Variants in PDGFRL observed in about 807,000 individuals in gnomAD.
The protein encoded by PDGFRL is platelet derived growth factor receptor like.
Under a neutral mutation model 37.2 loss-of-function variants are expected in PDGFRL, and 46 were observed. The observed-to-expected ratio is 1.24, with a 90% CI of 0.98 to 1.58. The LOEUF (loss-of-function observed/expected upper bound fraction) is 1.58, where lower values mean the gene tolerates loss of function less well. Ranked by LOEUF, PDGFRL falls within the 40% of genes most tolerant of loss-of-function variation. The pLI, the probability that PDGFRL is intolerant of heterozygous loss-of-function variation, is 0.00. For synonymous variants in PDGFRL, 251 were observed against 184.3 expected, an observed-to-expected ratio of 1.36 and a Z score of -2.93; for missense variants, 692 against 467.6, an observed-to-expected ratio of 1.48 and a Z score of -4.43.
chr8:17,599,564 T>C (rs958598745), intron 2 of PDGFRL, among the ~76,000 whole-genome samples: 1 of 152,186 alleles, frequency 6.6e-6, no homozygotes, highest in Non-Finnish European at 1.5e-5. Flanking sequence ...CTTTCTCTTG[T>C]CTGCACATGG....
At chr8:17,624,052 A>G (rs2129778983) in intron 3 of PDGFRL, among the ~76,000 whole-genome samples, 1 of 152,208 alleles carries the variant, frequency 6.6e-6, no homozygotes, top group East Asian at 1.9e-4. Context: ...GTTATACATC[A>G]TTTATTTTTT....
At chr8:17,631,294 A>C (rs1804856073) in intron 4 of PDGFRL, among the ~76,000 whole-genome samples, 1 of 152,030 alleles carries the variant, frequency 6.6e-6, no homozygotes, top group Non-Finnish European at 1.5e-5. Flanking sequence ...TCTCTCCGAG[A>C]ACTCTCACCT....
At position 17,621,046 on chromosome 8, in the gene PDGFRL, C is replaced by T; in HGVS notation, c.354-5C>T. On this transcript the variant is annotated splice_polypyrimidine_tract_variant and splice_region_variant and intron_variant, in intron 2 of 5. Coordinates refer to ENST00000251630, the MANE Select transcript of PDGFRL (RefSeq NM_001372073.1). ...GCTTTGAGTTCATGTGTCTTTTATT[C>T]CTAGCGTCAAGCAGAATGAGCGCTA... 1 of 1,591,786 alleles carries T rather than the reference C, an allele frequency of 6.3e-7. No individual in the cohort carries two copies. Among genetic ancestry groups the T allele is most frequent in the South Asian group, 1.1e-5 (1 of 88,888 alleles).
At chr8:17,617,011 G>A (rs1804544013) in intron 2 of PDGFRL, among the ~76,000 whole-genome samples, 1 of 152,154 alleles carries the variant, frequency 6.6e-6, no homozygotes, top group Non-Finnish European at 1.5e-5. Context: ...CATGACTTAG[G>A]CCACCCCCAG....
At chr8:17,577,627 G>A (rs1803615540) in intron 1 of PDGFRL, among the ~76,000 whole-genome samples, 1 of 151,862 alleles carries the variant, frequency 6.6e-6, no homozygotes, top group Non-Finnish European at 1.5e-5. Flanking sequence ...CAGTGTCAAC[G>A]TGTCGGTCTG....
chr8:17,633,986 C>T, intron 4 of PDGFRL, 88 bp from the exon 5 acceptor site: 1 of 1,314,222 alleles, frequency 7.6e-7, no homozygotes, highest in Non-Finnish European at 1.1e-6. Context: ...AAAATTCCAT[C>T]TCTCTCCATG....
chr8:17,630,965 G>A (rs1042342745), intron 4 of PDGFRL, among the ~76,000 whole-genome samples: 1 of 152,056 alleles, frequency 6.6e-6, no homozygotes, highest in African/African-American at 2.4e-5. Context: ...ACATCTCTGT[G>A]TCTACCTGAT....
intron 2 of PDGFRL, among the ~76,000 whole-genome samples, chr8:17,605,708 T>A (rs969202792): frequency 6.6e-6 from 1 of 152,212 alleles, no homozygotes; most frequent in Admixed American, 6.5e-5. Context: ...GATAGGCTGA[T>A]GTGGTAATAA....
intron 1 of PDGFRL, among the ~76,000 whole-genome samples, chr8:17,588,387 A>G (rs1803860940): frequency 6.6e-6 from 1 of 152,144 alleles, no homozygotes; most frequent in African/African-American, 2.4e-5. Context: ...ACTGTGGTTC[A>G]AAATCTTGGC....
In PDGFRL at chr8:17,589,485, C is replaced by T. The variant is rs1585301097; in HGVS notation, c.73C>T (p.Pro25Ser). Residue 25 changes from proline to serine, a missense_variant, in exon 2 of 6, where the codon CCC becomes TCC. Pro to Ser is a moderately conservative substitution (Grantham distance 74). Coordinates refer to ENST00000251630, the MANE Select transcript of PDGFRL (RefSeq NM_001372073.1). ...ALEDVTGQHLPKNKRPKEPGE... is the reference protein window; with the variant it reads ...ALEDVTGQHLSKNKRPKEPGE... The stretch of plus-strand genomic sequence containing the variant: ...TTTTGCAGTTACTGGCCAACACCTT[C>T]CCAAGAACAAGCGTCCAAAAGAACC... The T allele has an allele frequency of 6.2e-7, 1 of 1,613,294 alleles. No individual in the cohort carries two copies. Among genetic ancestry groups the T allele is most frequent in the Non-Finnish European group, 8.5e-7 (1 of 1,179,532 alleles).
chr8:17,591,049 A>AT (rs1224226859), intron 2 of PDGFRL, among the ~76,000 whole-genome samples: 1 of 151,686 alleles, frequency 6.6e-6, no homozygotes, highest in African/African-American at 2.4e-5. Context: ...CGCCTGGCTA[A>AT]TTTTTTGCTT....
At position 17,589,539 on chromosome 8, in the gene PDGFRL, A is replaced by G. The variant is rs780696061; in HGVS notation, c.127A>G (p.Lys43Glu). Residue 43 changes from lysine to glutamate, a missense_variant, in exon 2 of 6, where the codon AAG (lysine) becomes GAG (glutamate). Coordinates refer to ENST00000251630, the MANE Select transcript of PDGFRL (RefSeq NM_001372073.1). ...PGENRIKPTN[K>E]KVKPKIPKMK... ...AGAGAATAGAATCAAACCTACCAACAAGAAGGTGAAGCCCAAAATTCCTAA... is the reference window on the plus strand; with the variant it reads ...AGAGAATAGAATCAAACCTACCAACGAGAAGGTGAAGCCCAAAATTCCTAA... 2.5e-6 allele frequency: 4 copies of G among 1,613,438 alleles called. No homozygotes were observed. Among genetic ancestry groups the G allele is most frequent in the Admixed American group, 1.7e-5 (1 of 60,006 alleles).
At chr8:17,605,200 T>A (rs994227377) in intron 2 of PDGFRL, among the ~76,000 whole-genome samples, 1 of 152,026 alleles carries the variant, frequency 6.6e-6, no homozygotes, top group Non-Finnish European at 1.5e-5. Context: ...CTGAGTAATA[T>A]AAACCGCATT....
chr8:17,604,268 A>G (rs1309922652), intron 2 of PDGFRL, among the ~76,000 whole-genome samples: 2 of 152,200 alleles, frequency 1.3e-5, no homozygotes, highest in South Asian at 2.1e-4. Flanking sequence ...TCATGCTGCT[A>G]TAAAGACACA....
At chr8:17,577,088 A>AAAAAAAAAAAAAAC, upstream of PDGFRL, 1 of 877,016 alleles carries the variant, frequency 1.1e-6, no homozygotes, top group Non-Finnish European at 1.7e-6. Context: ...GAACTAAAAA[A>AAAAAAAAAAAAAAC]AAAAAAAATT....
At chr8:17,619,016 A>G (rs1451416771) in intron 2 of PDGFRL, among the ~76,000 whole-genome samples, 2 of 152,158 alleles carry the variant, frequency 1.3e-5, no homozygotes, top group Non-Finnish European at 2.9e-5. Flanking sequence ...GAACTGGTGG[A>G]CAAAACAAGC....
Position 17,619,109 on chromosome 8 carries a change from G to A in PDGFRL, c.354-1942G>A, listed in dbSNP as rs547668969. Among the ~76,000 whole-genome samples, 29 of 152,268 alleles carry A rather than the reference G, an allele frequency of 1.9e-4. No homozygotes were observed. The South Asian group carries it at 5.2e-3, about 27-fold the overall frequency. On this transcript the variant is annotated intron_variant, in intron 2 of 5. Transcript: ENST00000251630. ...CCTATGCTAAATGTAAACTGGTCAC[G>A]GTATTGATTCTGCTGCAAGATAAAC... is the stretch of plus-strand genomic sequence containing the variant.
chr8:17,578,994 T>G (rs1244023884), intron 1 of PDGFRL, among the ~76,000 whole-genome samples: 1 of 151,980 alleles, frequency 6.6e-6, no homozygotes, highest in Non-Finnish European at 1.5e-5. Context: ...GGTCAGGAGT[T>G]CAAGACCAGC....
intron 5 of PDGFRL, among the ~76,000 whole-genome samples, chr8:17,641,752 C>G (rs570484106): frequency 6.6e-6 from 1 of 152,096 alleles, no homozygotes; most frequent in Admixed American, 6.5e-5. Flanking sequence ...CATTAAGTAG[C>G]TGACATCCTT....
Sources: gnomAD v4.1 joint callset for allele counts (sites outside exome capture counted in the v4.1 genomes callset) on GRCh38, gnomAD v4.1.1 for gene constraint, MANE v1.5 for transcripts, NCBI Gene and HGNC (gene_info 2026-07-23, HGNC 2026-07-21) for gene names.